The following PRMT8 variants were observed in gnomAD, a reference collection of about 807,000 sequenced individuals.
PRMT8 encodes the protein protein arginine N-methyltransferase 8.
Under a neutral mutation model 47.1 loss-of-function variants are expected in PRMT8, and 7 were observed. The observed-to-expected ratio is 0.15, with a 90% CI of 0.08 to 0.28. The LOEUF is 0.28. Among genes scored for constraint, PRMT8 ranks in the 10% least tolerant of loss-of-function variants. The pLI is 1.00. For missense variants in PRMT8, 237 were observed against 505.4 expected (o/e 0.47, Z 5.09); for synonymous variants, 188 against 186.5 (o/e 1.01, Z -0.07).
chr12:3,435,071 C>T (rs757484119), intron 1 of PRMT8, among the ~76,000 whole-genome samples: 6 of 150,352 alleles, frequency 4.0e-5, no homozygotes, highest in Non-Finnish European at 5.9e-5. Flanking sequence ...TGGGTTCAAG[C>T]GATTCTCCTG....
chr12:3,590,695 C>A (rs1456420538), intron 8 of PRMT8, among the ~76,000 whole-genome samples: 1 of 151,956 alleles, frequency 6.6e-6, no homozygotes. Flanking sequence ...GAGGAACTTC[C>A]TGTAATAAGA....
intron 1 of PRMT8, among the ~76,000 whole-genome samples, chr12:3,521,138 A>G (rs530621433): frequency 6.6e-6 from 1 of 152,362 alleles, no homozygotes; most frequent in South Asian, 2.1e-4. Flanking sequence ...AATCAGGGCC[A>G]CTCAAACTGA....
At chr12:3,491,000 G>T (rs1865385311), upstream of PRMT8, among the ~76,000 whole-genome samples, 1 of 152,072 alleles carries the variant, frequency 6.6e-6, no homozygotes, top group African/African-American at 2.4e-5. Flanking sequence ...TGGGCCCCCC[G>T]CGCGGGCCTG....
At chr12:3,551,179 C>T (rs1866415205) in intron 3 of PRMT8, 1 of 152,100 alleles carries the variant, frequency 6.6e-6, no homozygotes, top group Non-Finnish European at 1.5e-5. Context: ...AGCAGGGCAG[C>T]ATTCCTCCTC....
intron 1 of PRMT8, among the ~76,000 whole-genome samples, chr12:3,536,949 A>G (rs1287601746): frequency 6.6e-6 from 1 of 152,248 alleles, no homozygotes; most frequent in Non-Finnish European, 1.5e-5. Context: ...TTTGTCACTA[A>G]GGACAGCATT....
At chr12:3,516,846 C>A (rs549747464) in intron 1 of PRMT8, among the ~76,000 whole-genome samples, 1 of 151,598 alleles carries the variant, frequency 6.6e-6, no homozygotes, top group Non-Finnish European at 1.5e-5. Flanking sequence ...AAAAAACTTT[C>A]ATCTAAAATA....
chr12:3,397,009 T>G (rs1442875487), intron 1 of PRMT8, among the ~76,000 whole-genome samples: 1 of 152,086 alleles, frequency 6.6e-6, no homozygotes, highest in Non-Finnish European at 1.5e-5. Flanking sequence ...TCACACCGGC[T>G]CCTGAGGCTT....
intron 1 of PRMT8, among the ~76,000 whole-genome samples, chr12:3,424,592 A>G (rs1026790231): frequency 1.5e-4 from 23 of 152,070 alleles, no homozygotes; most frequent in Non-Finnish European, 2.6e-4. Flanking sequence ...TACTTGTATC[A>G]TTTACGAGTC....
intron 1 of PRMT8, among the ~76,000 whole-genome samples, chr12:3,392,185 ATTTTATTTTTTTAT>A (rs1864199357): frequency 6.6e-6 from 1 of 152,036 alleles, no homozygotes; most frequent in South Asian, 2.1e-4. Context: ...TTTGGATTTT[ATTTTATTTTTTTAT>A]TTTTATTTTT....
chr12:3,569,112 G>A lies in PRMT8; in HGVS notation c.624+264G>A, dbSNP rs1056792446. Among the ~76,000 whole-genome samples, 4 of 152,274 alleles carry A rather than the reference G, an allele frequency of 2.6e-5. No individual in the cohort carries two copies. Among genetic ancestry groups the A allele is most frequent in the South Asian group, 2.1e-4 (1 of 4,818 alleles). ...TAACAGACATCCGTTCTCTCTTGTC[G>A]AGTTAAAGGTCCGTTTCGGTCAGCA... On this transcript the variant is annotated intron_variant, in intron 5 of 9. Transcript: ENST00000382622. The surrounding 1 kb of genome is among the most constrained non-coding windows in gnomAD (Gnocchi z 8.2).
At chr12:3,386,488 A>G (rs1864139421) in intron 1 of PRMT8, among the ~76,000 whole-genome samples, 1 of 152,134 alleles carries the variant, frequency 6.6e-6, no homozygotes, top group East Asian at 1.9e-4. Flanking sequence ...CCTTTCCCCA[A>G]CCTACTGAAG....
At chr12:3,518,052 A>T (rs1865823518) in intron 1 of PRMT8, among the ~76,000 whole-genome samples, 1 of 151,844 alleles carries the variant, frequency 6.6e-6, no homozygotes, top group Non-Finnish European at 1.5e-5. Context: ...AAAAAAAAAA[A>T]AGCATAGTAA....
At chr12:3,457,843 T>TA (rs1235072748) in intron 1 of PRMT8, among the ~76,000 whole-genome samples, 25 of 15,992 alleles carry the variant, frequency 1.6e-3, no homozygotes, top group African/African-American at 4.2e-3. Context: ...TCCAGTTTGC[T>TA]TTTTTTTTTT....
chr12:3,420,218 C>T (rs1184616175), intron 1 of PRMT8, among the ~76,000 whole-genome samples: 1 of 152,038 alleles, frequency 6.6e-6, no homozygotes, highest in African/African-American at 2.4e-5. Flanking sequence ...CTCTCTCTCT[C>T]CAGACAGCTC....
At chr12:3,418,572 C>T (rs965155019) in intron 1 of PRMT8, among the ~76,000 whole-genome samples, 5 of 152,216 alleles carry the variant, frequency 3.3e-5, no homozygotes, top group Non-Finnish European at 7.3e-5. Flanking sequence ...CAAGGGGCAT[C>T]CTGCTGCAAT....
intron 1 of PRMT8, among the ~76,000 whole-genome samples, chr12:3,479,941 T>A (rs1865257480): frequency 6.6e-6 from 1 of 151,942 alleles, no homozygotes; most frequent in African/African-American, 2.4e-5. Flanking sequence ...GTAGAAAAGG[T>A]TAAAACGTGT....
At position 3,550,311 on chromosome 12, in the gene PRMT8, G is replaced by T; in HGVS notation, c.417+220G>T. On this transcript the variant is annotated intron_variant, in intron 3 of 9. Transcript: ENST00000382622. The surrounding 1 kb of genome is among the most constrained non-coding windows in gnomAD (Gnocchi z 5.1). Reference sequence around the variant, plus strand: ...GATCCTTACAACCACTGACATTTGCGGAGGAACTGTGGCTTTCCTGAGACC... The same window carrying T: ...GATCCTTACAACCACTGACATTTGCTGAGGAACTGTGGCTTTCCTGAGACC... The T allele has an allele frequency of 1.9e-6, 1 of 530,040 alleles. No homozygotes were observed. Among genetic ancestry groups the T allele is most frequent in the Non-Finnish European group, 3.3e-6 (1 of 299,394 alleles). The allele number at this position is 530,040 out of a possible 1,614,324, so 32.8% of individuals were successfully genotyped here.
At chr12:3,478,483 G>A (rs934603736) in intron 1 of PRMT8, among the ~76,000 whole-genome samples, 3 of 152,158 alleles carry the variant, frequency 2.0e-5, no homozygotes, top group African/African-American at 7.2e-5. Flanking sequence ...TGATAGTAAG[G>A]GTGAATTGCA....
intron 8 of PRMT8, among the ~76,000 whole-genome samples, chr12:3,586,786 T>C (rs1248643705): frequency 6.6e-6 from 1 of 152,236 alleles, no homozygotes; most frequent in Admixed American, 6.5e-5. Context: ...GACTTTCTTC[T>C]GGAAAGGCTA....
Sources: allele counts gnomAD v4.1 joint callset (sites outside exome capture counted in the v4.1 genomes callset), GRCh38; gene constraint gnomAD v4.1.1; non-coding constraint Gnocchi (gnomAD v3.1); transcripts MANE v1.5; gene names NCBI Gene and HGNC (gene_info 2026-07-23, HGNC 2026-07-21).